Variants in NFRKB observed in about 807,000 individuals in gnomAD.
NFRKB encodes nuclear factor related to kappaB binding protein, also known as nuclear factor related to kappa-B-binding protein.
Under a neutral mutation model 135.7 loss-of-function variants are expected in NFRKB, and 62 were observed. The ratio of observed to expected loss-of-function variants is 0.46; its 90% CI spans 0.37 to 0.56. The LOEUF (loss-of-function observed/expected upper bound fraction) is 0.56, where lower values mean the gene tolerates loss of function less well. NFRKB is among the 20% of genes least tolerant of loss of function. The pLI is 0.00. For missense variants in NFRKB, 1,545 were observed against 1,662.0 expected (o/e 0.93, Z 1.22); for synonymous variants, 678 against 635.6 (o/e 1.07, Z -1.00).
chr11:129,881,592 A>G, intron 12 of NFRKB, 84 bp from the exon 13 acceptor site: 2 of 1,597,972 alleles, frequency 1.3e-6, no homozygotes, highest in Non-Finnish European at 1.7e-6. Context: ...ACAATGTATT[A>G]GAAAAGCAGG....
In NFRKB at chr11:129,865,067, T is replaced by C; in HGVS notation, c.3673A>G (p.Thr1225Ala). ...ATGAGCTTAGTGCCTGCTGGCATAGTTGTGAGGATGATGTTGCGGCCCAAC... is the reference window on the plus strand; with the variant it reads ...ATGAGCTTAGTGCCTGCTGGCATAGCTGTGAGGATGATGTTGCGGCCCAAC... ...SGLGRNIILT[T>A]MPAGTKLIAG... The change falls in exon 26 of 27, where the codon ACT becomes GCT. Residue 1225 changes from threonine (T) to alanine (A), a missense_variant. Physicochemically the swap from Thr to Ala is moderately conservative, Grantham distance 58. Around this residue, in one of 3 missense-constraint regions of NFRKB, gnomAD observed 753 missense variants for 804.3 expected, o/e 0.94. Coordinates refer to ENST00000682444, the MANE Select transcript of NFRKB (RefSeq NM_001143835.2). 2 of 1,611,738 alleles carry C rather than the reference T, an allele frequency of 1.2e-6. No homozygotes were observed. The highest frequency in any genetic ancestry group is 8.5e-7 in the Non-Finnish European group (1 of 1,179,304).
In NFRKB at chr11:129,894,384, T is replaced by A. The variant is rs1240278949; in HGVS notation, c.-47A>T. 6.6e-6 allele frequency: 1 copy of A among 152,256 alleles called. No homozygotes were observed. The highest frequency in any genetic ancestry group is 1.5e-5 in the Non-Finnish European group (1 of 68,042). The allele number at this position is 152,256 out of a possible 1,614,324, so 9.4% of individuals were successfully genotyped here. On this transcript the variant is annotated 5_prime_UTR_variant, in exon 2 of 27. Transcript: ENST00000682444. ...CACGCCAGGTGTCAATTTCCTTATT[T>A]GAGGAAGGGAAGCTGGACCAGGTCC...
chr11:129,877,390 AAT>A lies in NFRKB; in HGVS notation c.1512-7_1512-6del. Reference sequence around the variant, plus strand: ...CGCACCACATAGTCAGTTCTTCTGGAATATAAAGAATTCTGTATCAACCCTGA... The same window carrying A: ...CGCACCACATAGTCAGTTCTTCTGGAATAAAGAATTCTGTATCAACCCTGA... On this transcript the variant is annotated splice_polypyrimidine_tract_variant and splice_region_variant and intron_variant, in intron 15 of 26. Coordinates refer to ENST00000682444, the MANE Select transcript of NFRKB (RefSeq NM_001143835.2). 1 of 1,614,074 alleles carries A rather than the reference AAT, an allele frequency of 6.2e-7. No individual in the cohort carries two copies. The highest frequency in any genetic ancestry group is 1.1e-5 in the South Asian group (1 of 91,084).
chr11:129,885,309 C>A, intron 6 of NFRKB, 126 bp downstream of exon 6: 1 of 1,121,346 alleles, frequency 8.9e-7, no homozygotes, highest in Non-Finnish European at 1.3e-6. Context: ...CGCTATGCAC[C>A]CCAGACCAGA....
chr11:129,870,335 T>C, intron 23 of NFRKB, 74 bp from the exon 24 acceptor site: 1 of 1,481,308 alleles, frequency 6.8e-7, no homozygotes, highest in Non-Finnish European at 9.1e-7. Flanking sequence ...TAGACAAACT[T>C]CCGTTTCATG....
Position 129,888,729 on chromosome 11 carries a change from C to T in NFRKB, c.202G>A (p.Glu68Lys). The T allele has an allele frequency of 6.2e-7, 1 of 1,614,162 alleles. No individual in the cohort carries two copies. Among genetic ancestry groups the T allele is most frequent in the South Asian group, 1.1e-5 (1 of 91,086 alleles). ...WQEVLSDSQR[E>K]HLQQFLPQFP... ...TGGGGCAGAAACTGCTGGAGGTGTT[C>T]ACGTTGAGAATCACTTAACACTTCC... Residue 68 changes from glutamate (E) to lysine (K), a missense_variant, in exon 4 of 27, where the codon GAA (glutamate) becomes AAA (lysine). By Grantham distance (56) the Glu-to-Lys change is moderately conservative. This residue lies in a region of NFRKB where 678 missense variants were observed against 646.7 expected (regional missense o/e 1.05). Transcript: ENST00000682444.
intron 16 of NFRKB, 88 bp downstream of exon 16, chr11:129,877,237 A>T: frequency 1.5e-6 from 2 of 1,324,686 alleles, no homozygotes; most frequent in Non-Finnish European, 2.2e-6. Context: ...GTTTCTTGCA[A>T]GAAGGTAGAT....
chr11:129,890,644 G>T (rs976614565), intron 3 of NFRKB, among the ~76,000 whole-genome samples: 1 of 152,166 alleles, frequency 6.6e-6, no homozygotes, highest in African/African-American at 2.4e-5. Flanking sequence ...TTCAAAATAT[G>T]GCAAAACAAA....
chr11:129,886,094 TTCA>T (rs1181478613), intron 5 of NFRKB, among the ~76,000 whole-genome samples: 2 of 152,222 alleles, frequency 1.3e-5, no homozygotes, highest in Non-Finnish European at 2.9e-5. Flanking sequence ...CTACTATAAT[TTCA>T]TCAATTTTAA....
chr11:129,872,488 T>C, intron 23 of NFRKB: 1 of 171,886 alleles, frequency 5.8e-6, no homozygotes, highest in Non-Finnish European at 1.3e-5. Context: ...CTATACTGCT[T>C]ACGATTCTTT....
At chr11:129,880,700 C>A (rs1948986146) in intron 13 of NFRKB, among the ~76,000 whole-genome samples, 1 of 152,166 alleles carries the variant, frequency 6.6e-6, no homozygotes, top group Non-Finnish European at 1.5e-5. Context: ...GTAAGTATTT[C>A]TTCCCCAAAC....
chr11:129,884,269 T>C, intron 7 of NFRKB, 126 bp from the exon 8 acceptor site: 1 of 948,968 alleles, frequency 1.1e-6, no homozygotes, highest in Non-Finnish European at 1.7e-6. Context: ...GTACCAAAAA[T>C]CTTTAAAGTC....
Position 129,881,410 on chromosome 11 carries a change from A to C in NFRKB, c.1384+33T>G. 2.5e-6 allele frequency: 4 copies of C among 1,608,560 alleles called. No homozygotes were observed. The South Asian group carries it at 4.4e-5, about 18-fold the overall frequency. On this transcript the variant is annotated intron_variant, in intron 13 of 26. Coordinates refer to ENST00000682444, the MANE Select transcript of NFRKB (RefSeq NM_001143835.2). ...TTAGGGGAAGAAATGGGAGAACGAA[A>C]ACCTGTTGGGGTAGGTAATACGGAT...
Position 129,874,454 on chromosome 11 carries a change from C to T in NFRKB, c.2058+47G>A. Reference sequence around the variant, plus strand: ...AAGCCGAGCAGCCACTCTTAGTTGCCTCCATCCCAGAATCCCTAGGGCAGA... The same window carrying T: ...AAGCCGAGCAGCCACTCTTAGTTGCTTCCATCCCAGAATCCCTAGGGCAGA... On this transcript the variant is annotated intron_variant, in intron 20 of 26. Transcript: ENST00000682444. The surrounding 1 kb of genome is among the most constrained non-coding windows in gnomAD (Gnocchi z 4.5). 6.3e-7 allele frequency: 1 copy of T among 1,590,194 alleles called. No homozygotes were observed. The highest frequency in any genetic ancestry group is 8.6e-7 in the Non-Finnish European group (1 of 1,169,584).
chr11:129,877,304 C>G, intron 16 of NFRKB, 21 bp downstream of exon 16: 1 of 1,613,504 alleles, frequency 6.2e-7, no homozygotes. Context: ...CAGAGACTTA[C>G]ACTGGCTTTT....
intron 17 of NFRKB, among the ~76,000 whole-genome samples, chr11:129,876,048 T>C (rs1948752034): frequency 6.6e-6 from 1 of 152,210 alleles, no homozygotes; most frequent in African/African-American, 2.4e-5. Context: ...CATCTTAAAC[T>C]GAAATTAAGT....
intron 2 of NFRKB, chr11:129,893,072 T>C: frequency 7.0e-7 from 1 of 1,422,658 alleles, no homozygotes; most frequent in Non-Finnish European, 9.2e-7. Context: ...CTGGAAGAGC[T>C]CTTTTCTCAG....
intron 7 of NFRKB, 53 bp from the exon 8 acceptor site, chr11:129,884,196 T>C (rs1949163696): frequency 6.7e-7 from 1 of 1,485,504 alleles, no homozygotes; most frequent in Non-Finnish European, 9.0e-7. Context: ...AATTTACATC[T>C]TTCTGGTCAC....
At chr11:129,893,675 T>C (rs1360633422) in intron 2 of NFRKB, among the ~76,000 whole-genome samples, 1 of 152,228 alleles carries the variant, frequency 6.6e-6, no homozygotes, top group Non-Finnish European at 1.5e-5. Flanking sequence ...AGTCACTTTA[T>C]GAGGGCCTAT....
Sources: gnomAD v4.1 joint callset for allele counts (sites outside exome capture counted in the v4.1 genomes callset) on GRCh38, gnomAD v4.1.1 for gene constraint, gnomAD v4.1.1 regional missense constraint, Gnocchi (gnomAD v3.1) non-coding constraint, MANE v1.5 for transcripts, NCBI Gene and HGNC (gene_info 2026-07-23, HGNC 2026-07-21) for gene names.